Variants in ERI1 observed in about 807,000 individuals in gnomAD.
The protein encoded by ERI1 is exoribonuclease 1.
A neutral mutation model predicts 39.7 loss-of-function variants in ERI1; 39 were observed. That is an observed-to-expected ratio of 0.98 (90% CI 0.76 to 1.28). The LOEUF is 1.28. Ranked by LOEUF, ERI1 falls within the 50% of genes most tolerant of loss-of-function variation. The pLI, the probability that ERI1 is intolerant of heterozygous loss-of-function variation, is 0.00. For synonymous variants in ERI1, 204 were observed against 149.6 expected, an observed-to-expected ratio of 1.36 and a Z score of -2.65; for missense variants, 581 against 416.9, an observed-to-expected ratio of 1.39 and a Z score of -3.43.
At chr8:9,024,907 T>C (rs772591966) in intron 6 of ERI1, among the ~76,000 whole-genome samples, 58 of 151,680 alleles carry the variant, frequency 3.8e-4, no homozygotes, top group Admixed American at 7.3e-4. Context: ...CTCAGGAAAT[T>C]AGACAATTTC....
At chr8:9,065,799 T>A (rs527923287) in intron 3 of ERI1, among the ~76,000 whole-genome samples, 12 of 149,248 alleles carry the variant, frequency 8.0e-5, no homozygotes, top group African/African-American at 3.0e-4. Context: ...CTTAAAAAAA[T>A]AAAAATAAAA....
chr8:9,041,791 G>C (rs1224013146), intron 3 of ERI1, among the ~76,000 whole-genome samples: 1 of 152,224 alleles, frequency 6.6e-6, no homozygotes, highest in Non-Finnish European at 1.5e-5. Flanking sequence ...CTGAAGTGCA[G>C]TGGCGTGATC....
At chr8:9,013,710 C>T (rs1393382962) in intron 3 of ERI1, among the ~76,000 whole-genome samples, 2 of 152,142 alleles carry the variant, frequency 1.3e-5, no homozygotes, top group Non-Finnish European at 2.9e-5. Flanking sequence ...CTTACCCCAG[C>T]CCATTCTATC....
chr8:9,096,074 G>A (rs1799869456), intron 3 of ERI1, among the ~76,000 whole-genome samples: 1 of 152,194 alleles, frequency 6.6e-6, no homozygotes, highest in Non-Finnish European at 1.5e-5. Context: ...ATGTATTGCT[G>A]AGGGCCTGAG....
At chr8:9,019,876 C>G (rs1490387093) in intron 5 of ERI1, among the ~76,000 whole-genome samples, 1 of 152,184 alleles carries the variant, frequency 6.6e-6, no homozygotes, top group African/African-American at 2.4e-5. Flanking sequence ...CCATATTACA[C>G]AATCAGTATT....
chr8:9,007,877 A>G, intron 1 of ERI1, 93 bp from the exon 2 acceptor site: 1 of 1,484,456 alleles, frequency 6.7e-7, no homozygotes, highest in Non-Finnish European at 8.9e-7. Context: ...GAGGCTTCAG[A>G]AGTTTGAAAG....
intron 3 of ERI1, among the ~76,000 whole-genome samples, chr8:9,053,151 G>C (rs1026108107): frequency 2.0e-5 from 3 of 152,064 alleles, no homozygotes; most frequent in Non-Finnish European, 2.9e-5. Context: ...AGAATAGCTG[G>C]GACCACAGGC....
chr8:9,005,802 A>G lies in ERI1; in HGVS notation c.109-2168A>G, dbSNP rs145322652. Among the ~76,000 whole-genome samples, 392 of 152,316 alleles carry G rather than the reference A, an allele frequency of 2.6e-3. 2 individuals are homozygous for G. The highest frequency in any genetic ancestry group is 8.9e-3 in the African/African-American group (371 of 41,578). On this transcript the variant is annotated intron_variant, in intron 1 of 6. Coordinates refer to ENST00000250263, the MANE Select transcript of ERI1 (RefSeq NM_153332.4). ...AGCCAACGCGCCCGGCCTCAACGAC[A>G]GTTTTAAAGTAGTTTGCCACAAGAT...
chr8:9,090,494 A>G (rs1009404087), intron 3 of ERI1, among the ~76,000 whole-genome samples: 1 of 152,216 alleles, frequency 6.6e-6, no homozygotes, highest in Non-Finnish European at 1.5e-5. Context: ...AAAAATCTAC[A>G]TGACCAGGAG....
intron 6 of ERI1, among the ~76,000 whole-genome samples, chr8:9,025,856 A>T (rs554613309): frequency 3.8e-4 from 58 of 152,044 alleles, no homozygotes; most frequent in Non-Finnish European, 7.4e-4. Flanking sequence ...TACCTTAGAG[A>T]TAGGACCCAA....
chr8:9,040,960 T>G (rs1797998713), intron 3 of ERI1, among the ~76,000 whole-genome samples: 1 of 152,172 alleles, frequency 6.6e-6, no homozygotes, highest in Admixed American at 6.5e-5. Flanking sequence ...TAGTGCTTAC[T>G]CAGTCCTGGG....
At chr8:9,097,136 C>G (rs771397002) in intron 3 of ERI1, among the ~76,000 whole-genome samples, 8 of 152,120 alleles carry the variant, frequency 5.3e-5, no homozygotes, top group Non-Finnish European at 8.8e-5. Context: ...TCCTTCAGGA[C>G]CCTTTGTGTG....
chr8:9,087,395 T>C (rs1008953990), intron 3 of ERI1, among the ~76,000 whole-genome samples: 3 of 149,570 alleles, frequency 2.0e-5, no homozygotes, highest in African/African-American at 7.3e-5. Flanking sequence ...TACAGGTGCA[T>C]GTCACCATAT....
intron 3 of ERI1, among the ~76,000 whole-genome samples, chr8:9,014,896 G>T (rs1817062594): frequency 6.6e-6 from 1 of 152,092 alleles, no homozygotes; most frequent in Non-Finnish European, 1.5e-5. Context: ...GGAGAGCAGT[G>T]GCTCAATCTC....
At chr8:9,022,264 AT>A (rs1817990114) in intron 6 of ERI1, among the ~76,000 whole-genome samples, 1 of 152,000 alleles carries the variant, frequency 6.6e-6, no homozygotes, top group Non-Finnish European at 1.5e-5. Context: ...CCTTATTTAA[AT>A]TTCTGACTGT....
chr8:9,029,533 G>T (rs2117299281), intron 6 of ERI1, among the ~76,000 whole-genome samples: 1 of 152,220 alleles, frequency 6.6e-6, no homozygotes, highest in South Asian at 2.1e-4. Context: ...GTGTCACCAT[G>T]TTCGCCAGGC....
rs936772611 is a variant in ERI1 at position 9,030,169 on chromosome 8, T to C, written c.*135T>C. On this transcript the variant is annotated 3_prime_UTR_variant, in exon 7 of 7. Transcript: ENST00000250263. ...AAAATCTTATTACAGGTGATAGAGA[T>C]AGATACATGTATGTGAACAGATTTT... 6.0e-6 allele frequency: 7 copies of C among 1,160,792 alleles called. No homozygotes were observed. Among genetic ancestry groups the C allele is most frequent in the Non-Finnish European group, 2.4e-6 (2 of 839,076 alleles). 71.9% of individuals were successfully genotyped at this position (1,160,792 alleles called of 1,614,324 possible).
At chr8:9,055,131 G>A (rs1013814251) in intron 3 of ERI1, among the ~76,000 whole-genome samples, 1 of 152,196 alleles carries the variant, frequency 6.6e-6, no homozygotes, top group Non-Finnish European at 1.5e-5. Context: ...TGGAAGATTT[G>A]TGGACAGAAA....
intron 3 of ERI1, among the ~76,000 whole-genome samples, chr8:9,092,963 C>G (rs1298037368): frequency 6.6e-6 from 1 of 152,174 alleles, no homozygotes. Flanking sequence ...CTTTGGCGTT[C>G]CTTGGCTCGT....
Sources: gnomAD v4.1 joint callset for allele counts (sites outside exome capture counted in the v4.1 genomes callset) on GRCh38, gnomAD v4.1.1 for gene constraint, MANE v1.5 for transcripts, NCBI Gene and HGNC (gene_info 2026-07-23, HGNC 2026-07-21) for gene names.